The following DPYD variants were observed in gnomAD, a reference collection of about 807,000 sequenced individuals.
The protein encoded by DPYD is dihydropyrimidine dehydrogenase, also known as dihydropyrimidine dehydrogenase [NADP(+)].
Under a neutral mutation model 116.2 loss-of-function variants are expected in DPYD, and 109 were observed. The observed-to-expected ratio is 0.94, with a 90% CI of 0.80 to 1.10. DPYD has a LOEUF of 1.10. Among genes scored for constraint, DPYD ranks in the 50% least tolerant of loss-of-function variants. The probability of loss-of-function intolerance (pLI) is 0.00; values close to 1 mark genes in which losing one functional copy is unlikely to be tolerated. For missense variants in DPYD, 1,302 were observed against 1,254.5 expected (o/e 1.04, Z -0.57); for synonymous variants, 440 against 432.0 (o/e 1.02, Z -0.23).
chr1:97,597,766 C>T (rs144213580), intron 8 of DPYD, among the ~76,000 whole-genome samples: 9 of 152,256 alleles, frequency 5.9e-5, no homozygotes, highest in South Asian at 2.1e-4. Flanking sequence ...TCCTGTCCTG[C>T]GCTAAGGAGT....
chr1:97,426,081 T>C (rs1219781852), intron 14 of DPYD, among the ~76,000 whole-genome samples: 1 of 152,022 alleles, frequency 6.6e-6, no homozygotes, highest in East Asian at 1.9e-4. Context: ...TAGTTGACAT[T>C]AGTGTTCATT....
At chr1:97,584,330 G>A (rs1355884858) in intron 10 of DPYD, among the ~76,000 whole-genome samples, 3 of 151,916 alleles carry the variant, frequency 2.0e-5, no homozygotes, top group Admixed American at 1.3e-4. Context: ...AGATGAGTAG[G>A]TTGCAAAAAT....
intron 10 of DPYD, among the ~76,000 whole-genome samples, chr1:97,575,397 T>A (rs931202853): frequency 2.0e-5 from 3 of 151,980 alleles, no homozygotes; most frequent in African/African-American, 7.3e-5. Flanking sequence ...GGTATTAAAA[T>A]CATAGCAGGG....
chr1:97,177,907 G>A (rs1657400433), intron 20 of DPYD, among the ~76,000 whole-genome samples: 2 of 152,034 alleles, frequency 1.3e-5, no homozygotes, highest in Non-Finnish European at 2.9e-5. Flanking sequence ...ATCTGGGGGC[G>A]GCCTGCTTCC....
intron 3 of DPYD, among the ~76,000 whole-genome samples, chr1:97,808,871 T>C (rs1307098022): frequency 6.6e-6 from 1 of 152,128 alleles, no homozygotes; most frequent in Admixed American, 6.5e-5. Flanking sequence ...ACTCTTTCAC[T>C]GCATTTGAAA....
intron 13 of DPYD, among the ~76,000 whole-genome samples, chr1:97,490,364 TTATCA>T (rs1227807314): frequency 1.4e-5 from 2 of 147,872 alleles, no homozygotes; most frequent in East Asian, 3.9e-4. Flanking sequence ...GTATATTATA[TTATCA>T]TATATATTAT....
chr1:97,630,151 C>A (rs1019256449), intron 8 of DPYD, among the ~76,000 whole-genome samples: 1 of 151,116 alleles, frequency 6.6e-6, no homozygotes, highest in Non-Finnish European at 1.5e-5. Flanking sequence ...TTGGCTATTA[C>A]GGATAAAGCC....
At chr1:97,655,333 T>A (rs1285942332) in intron 8 of DPYD, among the ~76,000 whole-genome samples, 1 of 152,200 alleles carries the variant, frequency 6.6e-6, no homozygotes, top group Non-Finnish European at 1.5e-5. Flanking sequence ...TATGTACATC[T>A]TTTTCCTTAG....
rs200453906 is a variant in DPYD at position 97,625,312 on chromosome 1, TG to T, written c.851-30147del. On this transcript the variant is annotated intron_variant, in intron 8 of 22. Transcript: ENST00000370192. Reference sequence around the variant, plus strand: ...AATAATTCTAATTGGAAGGATTACATGTAAGAAGAATTTCTGAACAAGAGTC... The same window carrying T: ...AATAATTCTAATTGGAAGGATTACATTAAGAAGAATTTCTGAACAAGAGTC... 8.7e-3 allele frequency among the ~76,000 whole-genome samples: 1,319 copies of T among 152,132 alleles called. 20 individuals carry two copies. Among genetic ancestry groups the T allele is most frequent in the African/African-American group, 0.029 (1,219 of 41,524 alleles).
intron 3 of DPYD, among the ~76,000 whole-genome samples, chr1:97,807,544 ATC>A (rs1393377667): frequency 1.2e-4 from 18 of 151,900 alleles, no homozygotes; most frequent in African/African-American, 9.7e-5. Context: ...TCATTTATTT[ATC>A]TGTTATGTTT....
chr1:97,725,783 A>G (rs184932072), intron 4 of DPYD, among the ~76,000 whole-genome samples: 3 of 151,782 alleles, frequency 2.0e-5, no homozygotes, highest in African/African-American at 7.2e-5. Context: ...ACACCAAACA[A>G]AAAAATGAAC....
chr1:97,638,061 C>T (rs1324482091), intron 8 of DPYD, among the ~76,000 whole-genome samples: 2 of 152,168 alleles, frequency 1.3e-5, no homozygotes, highest in Admixed American at 1.3e-4. Flanking sequence ...TCTCATAAAA[C>T]TTGCTCTCTT....
At chr1:97,595,273 G>A (rs1260695230) in intron 8 of DPYD, 107 bp from the exon 9 acceptor site, 1 of 809,092 alleles carries the variant, frequency 1.2e-6, no homozygotes, top group East Asian at 2.7e-5. Flanking sequence ...GTCATTCTTA[G>A]AGGAAAACAT....
chr1:97,279,303 A>G (rs566943854), intron 18 of DPYD, among the ~76,000 whole-genome samples: 27 of 152,298 alleles, frequency 1.8e-4, no homozygotes, highest in Admixed American at 3.9e-4. Flanking sequence ...GTAGAAAAAA[A>G]AGAACATTCA....
rs12034649 is a variant in DPYD at position 97,502,827 on chromosome 1, G to A, written c.1740+12899C>T. Among the ~76,000 whole-genome samples the A allele has an allele frequency of 1.1e-3, 163 of 151,766 alleles. 6 individuals are homozygous for A. The East Asian group carries it at 0.029, about 27-fold the overall frequency. ...ATTGACAGGGTATTTTACATGTTAC[G>A]AATCATTTTAATATATTTATTTAAA... On this transcript the variant is annotated intron_variant, in intron 13 of 22. Coordinates refer to ENST00000370192, the MANE Select transcript of DPYD (RefSeq NM_000110.4).
chr1:97,329,290 A>G (rs1668859967), intron 16 of DPYD, among the ~76,000 whole-genome samples: 1 of 152,214 alleles, frequency 6.6e-6, no homozygotes, highest in Non-Finnish European at 1.5e-5. Flanking sequence ...GAGTGGGAAC[A>G]GCCATTTATA....
chr1:97,520,791 C>A (rs923998222), intron 12 of DPYD, among the ~76,000 whole-genome samples: 2 of 152,094 alleles, frequency 1.3e-5, no homozygotes, highest in Non-Finnish European at 2.9e-5. Context: ...CATGTCCCTG[C>A]AAAGCACATG....
intron 2 of DPYD, among the ~76,000 whole-genome samples, chr1:97,852,289 A>T (rs990782923): frequency 6.6e-6 from 1 of 152,100 alleles, no homozygotes; most frequent in Non-Finnish European, 1.5e-5. Context: ...AACAGTGCTT[A>T]TTATGTGCCA....
intron 2 of DPYD, among the ~76,000 whole-genome samples, chr1:97,846,241 C>T (rs1670295687): frequency 6.6e-6 from 1 of 152,106 alleles, no homozygotes; most frequent in Non-Finnish European, 1.5e-5. Flanking sequence ...GACATGGAAG[C>T]TCCGTGTCTT....
Sources: allele counts gnomAD v4.1 joint callset (sites outside exome capture counted in the v4.1 genomes callset), GRCh38; gene constraint gnomAD v4.1.1; transcripts MANE v1.5; gene names NCBI Gene and HGNC (gene_info 2026-07-23, HGNC 2026-07-21).